Variants in THSD7B observed in about 807,000 individuals in gnomAD.
The protein encoded by THSD7B is thrombospondin type 1 domain containing 7B, also known as thrombospondin type-1 domain-containing protein 7B.
Under a neutral mutation model 213.6 loss-of-function variants are expected in THSD7B, and 138 were observed. The ratio of observed to expected loss-of-function variants is 0.65; its 90% CI spans 0.56 to 0.74. The LOEUF (loss-of-function observed/expected upper bound fraction) is 0.74, where lower values mean the gene tolerates loss of function less well. Among genes scored for constraint, THSD7B ranks in the 30% least tolerant of loss-of-function variants. THSD7B has a pLI of 0.00. For synonymous variants in THSD7B, 742 were observed against 687.0 expected (o/e 1.08, Z -1.25); for missense variants, 1,931 against 1,991.5 (o/e 0.97, Z 0.58).
chr2:137,128,940 T>C (rs978537842), intron 5 of THSD7B, among the ~76,000 whole-genome samples: 7 of 152,196 alleles, frequency 4.6e-5, no homozygotes, highest in African/African-American at 1.7e-4. Flanking sequence ...AGTTTGAAGC[T>C]TTAGCATCAA....
intron 3 of THSD7B, among the ~76,000 whole-genome samples, chr2:137,080,410 C>G (rs62172277): frequency 0.096 from 12,848 of 133,548 alleles, 664 homozygotes; most frequent in East Asian, 0.19. Flanking sequence ...GACAGGGTTT[C>G]ACCATGTTGG....
intron 2 of THSD7B, among the ~76,000 whole-genome samples, chr2:137,006,570 C>T (rs1558884559): frequency 6.6e-6 from 1 of 152,158 alleles, no homozygotes; most frequent in Non-Finnish European, 1.5e-5. Flanking sequence ...CTCTTCTATA[C>T]TGCCTGTTCA....
At chr2:137,362,973 C>T (rs899841004) in intron 12 of THSD7B, among the ~76,000 whole-genome samples, 2 of 152,118 alleles carry the variant, frequency 1.3e-5, no homozygotes, top group Non-Finnish European at 2.9e-5. Context: ...CAAAATTGAC[C>T]ACATAGTTGG....
chr2:137,432,753 A>G (rs1335124022), intron 14 of THSD7B, among the ~76,000 whole-genome samples: 2 of 151,842 alleles, frequency 1.3e-5, no homozygotes, highest in Non-Finnish European at 2.9e-5. Flanking sequence ...CCTCAATTTG[A>G]TGTCTTTTTC....
chr2:137,094,984 A>G lies in THSD7B; in HGVS notation c.1062A>G (p.Ser354=). ...GCCCCTGCTCCAAGACATGCCGTTCAGGGAGTCTCTTGCCAGGATTTAGGA... is the reference window on the plus strand; with the variant it reads ...GCCCCTGCTCCAAGACATGCCGTTCGGGGAGTCTCTTGCCAGGATTTAGGA... ...SWSPCSKTCR[S]GSLLPGFRSR... is the part of the protein sequence containing the mutation. Residue 354 remains serine, a synonymous_variant, in exon 4 of 28, where the codon TCA becomes TCG. Transcript: ENST00000409968. 1 of 1,613,914 alleles carries G rather than the reference A, an allele frequency of 6.2e-7. No individual in the cohort carries two copies. Among genetic ancestry groups the G allele is most frequent in the Non-Finnish European group, 8.5e-7 (1 of 1,179,862 alleles).
intron 5 of THSD7B, among the ~76,000 whole-genome samples, chr2:137,128,495 G>C (rs138418005): frequency 6.6e-6 from 1 of 152,106 alleles, no homozygotes. Flanking sequence ...TCTAGTCTGG[G>C]CCTGAAATTT....
At chr2:137,433,150 G>A (rs1687220300) in intron 14 of THSD7B, among the ~76,000 whole-genome samples, 1 of 152,084 alleles carries the variant, frequency 6.6e-6, no homozygotes, top group African/African-American at 2.4e-5. Context: ...AGTGCAAAAA[G>A]GAGCAGGGCG....
At chr2:137,245,568 T>C (rs1682010623) in intron 10 of THSD7B, among the ~76,000 whole-genome samples, 1 of 152,178 alleles carries the variant, frequency 6.6e-6, no homozygotes, top group Non-Finnish European at 1.5e-5. Flanking sequence ...TTAAGTAGAT[T>C]ATCCCACAGC....
Position 137,459,160 on chromosome 2 carries a change from T to TA in THSD7B, c.3138+8147dup, listed in dbSNP as rs778573137. Among the ~76,000 whole-genome samples the TA allele has an allele frequency of 6.7e-4, 101 of 150,476 alleles. 1 individual carries two copies. The East Asian group carries it at 0.011, about 17-fold the overall frequency. On this transcript the variant is annotated intron_variant, in intron 15 of 27. Transcript: ENST00000409968. Reference sequence around the variant, plus strand: ...AAACCGATGGGAGTACAGTATCTTTTAAAAAAAAAATCTAAAAAAGAAATT... The same window carrying TA: ...AAACCGATGGGAGTACAGTATCTTTTAAAAAAAAAAATCTAAAAAAGAAATT...
In THSD7B at chr2:136,847,150, A is replaced by G. The variant is rs185840194; in HGVS notation, c.-35-34994A>G. On this transcript the variant is annotated intron_variant, in intron 1 of 27. Transcript: ENST00000409968. ...GCTTTGATTTGGAATAAACGTCCGG[A>G]AAGGAAGCCTTCTACCCCACTTAGA... Among the ~76,000 whole-genome samples the G allele has an allele frequency of 5.8e-3, 882 of 152,294 alleles. 7 individuals are homozygous for G. Among genetic ancestry groups the G allele is most frequent in the Non-Finnish European group, 5.6e-3 (379 of 68,028 alleles).
At chr2:137,325,999 G>A (rs143925849) in intron 12 of THSD7B, among the ~76,000 whole-genome samples, 124 of 152,324 alleles carry the variant, frequency 8.1e-4, no homozygotes, top group Non-Finnish European at 1.1e-3. Flanking sequence ...GAAGCCTTCT[G>A]AAATCTTTTC....
intron 15 of THSD7B, among the ~76,000 whole-genome samples, chr2:137,477,559 A>C (rs1177344500): frequency 1.3e-5 from 2 of 151,304 alleles, no homozygotes; most frequent in Non-Finnish European, 3.0e-5. Context: ...TATTCCTTTC[A>C]TTTTATTAAC....
intron 10 of THSD7B, among the ~76,000 whole-genome samples, 162 bp downstream of exon 10, chr2:137,242,734 T>G (rs772583793): frequency 5.3e-5 from 8 of 152,156 alleles, no homozygotes; most frequent in Non-Finnish European, 1.2e-4. Flanking sequence ...GTCTTGTATT[T>G]CCAAATCTAT....
chr2:137,607,791 C>G (rs1214668102), intron 17 of THSD7B, among the ~76,000 whole-genome samples: 6 of 152,168 alleles, frequency 3.9e-5, no homozygotes, highest in Non-Finnish European at 5.9e-5. Context: ...CATCATTTAT[C>G]TGTTCCAAAA....
intron 2 of THSD7B, among the ~76,000 whole-genome samples, chr2:136,992,696 C>G (rs1685810367): frequency 1.3e-5 from 2 of 152,078 alleles, no homozygotes; most frequent in Admixed American, 1.3e-4. Context: ...CTGCCCTGTC[C>G]CTGGGGGTGT....
intron 2 of THSD7B, among the ~76,000 whole-genome samples, chr2:136,891,803 AATAGCT>A (rs144645088): frequency 0.019 from 2,941 of 152,336 alleles, 43 homozygotes; most frequent in East Asian, 0.071. Flanking sequence ...ATTGCTGTGT[AATAGCT>A]CACCCCAAAA....
intron 22 of THSD7B, 61 bp downstream of exon 22, chr2:137,655,721 T>A: frequency 6.5e-7 from 1 of 1,532,716 alleles, no homozygotes; most frequent in Non-Finnish European, 8.8e-7. Context: ...ATTTTACTAC[T>A]GTTTTCCTAG....
intron 15 of THSD7B, among the ~76,000 whole-genome samples, chr2:137,481,330 G>C (rs1688302190): frequency 6.6e-6 from 1 of 152,266 alleles, no homozygotes; most frequent in South Asian, 2.1e-4. Context: ...AGCTCATACA[G>C]AAATATCGGG....
intron 14 of THSD7B, among the ~76,000 whole-genome samples, chr2:137,414,366 A>T (rs1412583478): frequency 6.6e-6 from 1 of 152,022 alleles, no homozygotes; most frequent in Non-Finnish European, 1.5e-5. Context: ...AAGAAAAAAA[A>T]ATCTTTTAAT....
Sources: gnomAD v4.1 joint callset for allele counts (sites outside exome capture counted in the v4.1 genomes callset) on GRCh38, gnomAD v4.1.1 for gene constraint, MANE v1.5 for transcripts, NCBI Gene and HGNC (gene_info 2026-07-23, HGNC 2026-07-21) for gene names.